The following NUP210L variants were observed in gnomAD, a reference collection of about 807,000 sequenced individuals.
The protein encoded by NUP210L is nuclear pore membrane glycoprotein 210-like.
NUP210L carries 74 observed loss-of-function variants against 208.5 expected under a neutral mutation model. The observed-to-expected ratio is 0.35, with a 90% CI of 0.29 to 0.43. The LOEUF (loss-of-function observed/expected upper bound fraction) is 0.43. Among genes scored for constraint, NUP210L ranks in the 20% least tolerant of loss-of-function variants. The pLI is 1.00. For synonymous variants in NUP210L, 780 were observed against 816.9 expected, an observed-to-expected ratio of 0.95 and a Z score of 0.77; for missense variants, 1,843 against 2,289.4, an observed-to-expected ratio of 0.81 and a Z score of 3.98.
chr1:154,151,461 T>C (rs1395474131), intron 2 of NUP210L, among the ~76,000 whole-genome samples: 1 of 138,316 alleles, frequency 7.2e-6, no homozygotes, highest in Non-Finnish European at 1.6e-5. Context: ...GAATAGGTGT[T>C]AGTAGTTGGA....
intron 27 of NUP210L, among the ~76,000 whole-genome samples, chr1:154,039,066 TTC>T (rs1163316216): frequency 3.9e-5 from 6 of 152,132 alleles, no homozygotes; most frequent in Non-Finnish European, 8.8e-5. Context: ...CGTTATAATA[TTC>T]TGTGGTTTTC....
At chr1:154,085,959 C>G (rs1309922025) in intron 16 of NUP210L, among the ~76,000 whole-genome samples, 1 of 152,066 alleles carries the variant, frequency 6.6e-6, no homozygotes, top group Non-Finnish European at 1.5e-5. Context: ...TGCCTGTAAT[C>G]CCAGCACTTT....
chr1:154,103,883 A>C, intron 13 of NUP210L, 129 bp downstream of exon 13: 1 of 671,756 alleles, frequency 1.5e-6, no homozygotes, highest in Middle Eastern at 4.2e-4. Flanking sequence ...GTGAACTTAG[A>C]CTATAATTGG....
At chr1:154,108,253 G>A (rs530818813) in intron 12 of NUP210L, among the ~76,000 whole-genome samples, 7 of 152,218 alleles carry the variant, frequency 4.6e-5, no homozygotes, top group African/African-American at 1.7e-4. Context: ...GACCTCCTAG[G>A]TTCAAGCAAT....
chr1:154,032,291 T>C (rs1652271561), intron 27 of NUP210L, among the ~76,000 whole-genome samples: 1 of 152,178 alleles, frequency 6.6e-6, no homozygotes, highest in Admixed American at 6.6e-5. Context: ...CTATGCTCCA[T>C]AGTGATTGTA....
chr1:153,993,232 C>T (rs1649581780), intron 38 of NUP210L, 143 bp from the exon 39 acceptor site: 2 of 588,898 alleles, frequency 3.4e-6, no homozygotes, highest in African/African-American at 1.9e-5. Context: ...GTTTTTATCC[C>T]AATTTAACCC....
At chr1:154,135,174 A>T (rs1658471001) in intron 7 of NUP210L, among the ~76,000 whole-genome samples, 1 of 152,230 alleles carries the variant, frequency 6.6e-6, no homozygotes, top group African/African-American at 2.4e-5. Flanking sequence ...ATGTACAAAT[A>T]GAAAAGAGAA....
chr1:154,143,159 G>C (rs12408170), intron 3 of NUP210L, among the ~76,000 whole-genome samples: 45,339 of 149,184 alleles, frequency 0.3, 7,767 homozygotes, highest in Admixed American at 0.45. Flanking sequence ...TTGTACTCCA[G>C]CCTGGGCAAC....
rs536708214 is a variant in NUP210L at position 154,083,650 on chromosome 1, C to T, written c.2361+5771G>A. Among the ~76,000 whole-genome samples, 36 of 152,128 alleles carry T rather than the reference C, an allele frequency of 2.4e-4. No individual in the cohort carries two copies. The East Asian group carries it at 6.2e-3, about 26-fold the overall frequency. On this transcript the variant is annotated intron_variant, in intron 16 of 39. Transcript: ENST00000368559. ...TTGATGTGTGGGGAAAAAACCCATA[C>T]GTTTGGTTACAGAAGTCTTCTTTTT...
intron 10 of NUP210L, among the ~76,000 whole-genome samples, chr1:154,123,295 G>A (rs1030012901): frequency 3.9e-5 from 6 of 151,922 alleles, no homozygotes; most frequent in South Asian, 4.1e-4. Flanking sequence ...ATAGGCACGC[G>A]CCACCACGCC....
intron 10 of NUP210L, among the ~76,000 whole-genome samples, chr1:154,122,946 G>C (rs987032173): frequency 6.6e-6 from 1 of 151,466 alleles, no homozygotes; most frequent in South Asian, 2.1e-4. Flanking sequence ...AGCTACTCAG[G>C]AGGCTGAGGT....
At chr1:154,078,357 G>A (rs1346152292) in intron 16 of NUP210L, among the ~76,000 whole-genome samples, 1 of 151,992 alleles carries the variant, frequency 6.6e-6, no homozygotes, top group Non-Finnish European at 1.5e-5. Flanking sequence ...CACTTTGGAA[G>A]GCCGAGGTGG....
intron 35 of NUP210L, among the ~76,000 whole-genome samples, chr1:154,004,797 C>A (rs1207571636): frequency 6.6e-6 from 1 of 152,010 alleles, no homozygotes; most frequent in Admixed American, 6.6e-5. Flanking sequence ...CAGGCATGAG[C>A]CACTGTGGCC....
In NUP210L at chr1:154,101,887, C is replaced by T. The variant is rs544617898; in HGVS notation, c.1820-1744G>A. ...TGATTTAGCCGGGCATGGTGGCTCA[C>T]GCCTGTAACCCCAGCACTTTGGGAG... On this transcript the variant is annotated intron_variant, in intron 13 of 39. Transcript: ENST00000368559. Among the ~76,000 whole-genome samples, 11 of 152,152 alleles carry T rather than the reference C, an allele frequency of 7.2e-5. No homozygotes were observed. The East Asian group carries it at 7.7e-4, about 11-fold the overall frequency.
In NUP210L at chr1:154,141,461, G is replaced by T; in HGVS notation, c.536C>A (p.Ser179Ter). Reference sequence around the variant, plus strand: ...TTTGCTAGACAGTTCTTCTCTTGCTGACTCGTTGTCCTGGGCAATGCTCCA... The same window carrying T: ...TTTGCTAGACAGTTCTTCTCTTGCTTACTCGTTGTCCTGGGCAATGCTCCA... The change falls in exon 4 of 40, where the codon TCA (serine) becomes TAA (stop). Residue 179 changes from serine to a stop codon, truncating the protein, a stop_gained. Transcript: ENST00000368559. LOFTEE classifies it high-confidence loss of function. The T allele has an allele frequency of 6.2e-7, 1 of 1,611,464 alleles. No individual in the cohort carries two copies. The highest frequency in any genetic ancestry group is 1.1e-5 in the South Asian group (1 of 91,012).
chr1:154,104,131 G>A, exon 13 of NUP210L: 1 of 1,613,730 alleles, frequency 6.2e-7, no homozygotes, highest in Non-Finnish European at 8.5e-7. Context: ...CATTGCAATG[G>A]GTATTTCTAT....
intron 37 of NUP210L, chr1:153,995,507 C>A: frequency 1.7e-6 from 1 of 603,876 alleles, no homozygotes; most frequent in Non-Finnish European, 3.0e-6. Context: ...TAATACAACT[C>A]TCTAATTCTT....
intron 33 of NUP210L, among the ~76,000 whole-genome samples, chr1:154,017,930 A>G (rs1651351023): frequency 6.6e-6 from 1 of 151,766 alleles, no homozygotes. Flanking sequence ...AACTCTTAAG[A>G]TTGAAGTGCT....
At chr1:153,996,608 G>A (rs576449835) in intron 37 of NUP210L, among the ~76,000 whole-genome samples, 2 of 152,008 alleles carry the variant, frequency 1.3e-5, no homozygotes, top group East Asian at 3.9e-4. Flanking sequence ...TTTTAGTAGG[G>A]ATGAGTGTCA....
Sources: allele counts gnomAD v4.1 joint callset (sites outside exome capture counted in the v4.1 genomes callset), GRCh38; gene constraint gnomAD v4.1.1; transcripts MANE v1.5; gene names NCBI Gene and HGNC (gene_info 2026-07-23, HGNC 2026-07-21).